Variants in SH3RF1 observed in about 807,000 individuals in gnomAD.
The protein encoded by SH3RF1 is E3 ubiquitin-protein ligase SH3RF1.
A neutral mutation model predicts 74.0 loss-of-function variants in SH3RF1; 32 were observed. The ratio of observed to expected loss-of-function variants is 0.43; its 90% CI spans 0.33 to 0.58. The LOEUF is 0.58. Among genes scored for constraint, SH3RF1 ranks in the 20% least tolerant of loss-of-function variants. The pLI, the probability that SH3RF1 is intolerant of heterozygous loss-of-function variation, is 0.05. For missense variants in SH3RF1, 954 were observed against 1,130.9 expected, an observed-to-expected ratio of 0.84 and a Z score of 2.24; for synonymous variants, 396 against 439.6, an observed-to-expected ratio of 0.90 and a Z score of 1.24.
chr4:169,236,979 G>A (rs1301800485), intron 2 of SH3RF1, among the ~76,000 whole-genome samples: 1 of 152,164 alleles, frequency 6.6e-6, no homozygotes, highest in Non-Finnish European at 1.5e-5. Context: ...TTTTGCTTCT[G>A]TCTCATCCCC....
intron 2 of SH3RF1, among the ~76,000 whole-genome samples, chr4:169,188,048 A>G (rs1245333959): frequency 1.3e-5 from 2 of 151,494 alleles, no homozygotes; most frequent in Non-Finnish European, 2.9e-5. Context: ...GACTGCTGGC[A>G]ACCACCGAAA....
At chr4:169,170,316 C>G (rs1346706889) in intron 2 of SH3RF1, among the ~76,000 whole-genome samples, 2 of 152,034 alleles carry the variant, frequency 1.3e-5, no homozygotes, top group African/African-American at 4.8e-5. Flanking sequence ...GAAAATCAAG[C>G]AAGAGCCCAT....
intron 2 of SH3RF1, among the ~76,000 whole-genome samples, chr4:169,265,780 T>G (rs1731342138): frequency 6.6e-6 from 1 of 152,216 alleles, no homozygotes. Flanking sequence ...CTGGCCAGCT[T>G]AAGAGAATAT....
chr4:169,119,278 A>ATTTTTTT (rs11397253), intron 8 of SH3RF1, among the ~76,000 whole-genome samples: 2 of 66,394 alleles, frequency 3.0e-5, no homozygotes, highest in African/African-American at 5.9e-5. Flanking sequence ...TAATTTTTGT[A>ATTTTTTT]TTTTTTTTTT....
chr4:169,248,032 T>C (rs747342054), intron 2 of SH3RF1, among the ~76,000 whole-genome samples: 1 of 152,222 alleles, frequency 6.6e-6, no homozygotes, highest in Non-Finnish European at 1.5e-5. Context: ...GCTTTTACAC[T>C]GTTGGTGGGA....
intron 8 of SH3RF1, 63 bp from the exon 9 acceptor site, chr4:169,117,845 T>C: frequency 6.5e-7 from 1 of 1,544,092 alleles, no homozygotes; most frequent in Non-Finnish European, 8.8e-7. Context: ...AAAGAACAAT[T>C]AAATGCAAGA....
intron 2 of SH3RF1, among the ~76,000 whole-genome samples, chr4:169,157,844 G>A (rs925104165): frequency 8.6e-5 from 13 of 151,866 alleles, no homozygotes; most frequent in Admixed American, 3.3e-4. Flanking sequence ...TGGGTTGAGT[G>A]ATTTTAACGC....
chr4:169,165,222 T>C (rs1283798885), intron 2 of SH3RF1, among the ~76,000 whole-genome samples: 1 of 152,172 alleles, frequency 6.6e-6, no homozygotes, highest in Non-Finnish European at 1.5e-5. Flanking sequence ...TGCCCTGCCC[T>C]AGGCCTCCAA....
chr4:169,251,522 A>G (rs1316539012), intron 2 of SH3RF1, among the ~76,000 whole-genome samples: 1 of 152,224 alleles, frequency 6.6e-6, no homozygotes, highest in African/African-American at 2.4e-5. Flanking sequence ...GAAAAACAGA[A>G]GCATACTGTC....
At chr4:169,219,951 A>G (rs991117635) in intron 2 of SH3RF1, 4 of 152,160 alleles carry the variant, frequency 2.6e-5, no homozygotes, top group African/African-American at 9.7e-5. Flanking sequence ...TTAGCAATCA[A>G]CTTCCAGGCG....
chr4:169,240,291 G>T (rs1730886957), intron 2 of SH3RF1, among the ~76,000 whole-genome samples: 1 of 151,942 alleles, frequency 6.6e-6, no homozygotes, highest in Non-Finnish European at 1.5e-5. Context: ...AACCTCCTGG[G>T]CTCAAACAGT....
Position 169,104,566 on chromosome 4 carries a change from T to C in SH3RF1, c.2498+2281A>G, listed in dbSNP as rs559032670. 2.1e-4 allele frequency among the ~76,000 whole-genome samples: 32 copies of C among 152,208 alleles called. 1 individual carries two copies. The South Asian group carries it at 6.4e-3, about 31-fold the overall frequency. Reference sequence around the variant, plus strand: ...CATTTTAAAACTGGTTTTAGGGGGTTAGAACTATAGAAAATTATTGTACAG... The same window carrying C: ...CATTTTAAAACTGGTTTTAGGGGGTCAGAACTATAGAAAATTATTGTACAG... On this transcript the variant is annotated intron_variant, in intron 11 of 11. Coordinates refer to ENST00000284637, the MANE Select transcript of SH3RF1 (RefSeq NM_020870.4).
chr4:169,142,321 TTA>T (rs934684236), intron 4 of SH3RF1, among the ~76,000 whole-genome samples: 4 of 152,222 alleles, frequency 2.6e-5, no homozygotes, highest in Non-Finnish European at 5.9e-5. Flanking sequence ...GTGTATATAT[TTA>T]TGTCTATTAA....
intron 4 of SH3RF1, among the ~76,000 whole-genome samples, chr4:169,137,622 A>AAT (rs1733720205): frequency 6.6e-6 from 1 of 152,216 alleles, no homozygotes; most frequent in African/African-American, 2.4e-5. Context: ...CACTTCACAA[A>AAT]TGTCTTTATA....
At chr4:169,220,360 G>A (rs1045454414) in intron 2 of SH3RF1, 4 of 152,142 alleles carry the variant, frequency 2.6e-5, no homozygotes, top group Non-Finnish European at 5.9e-5. Context: ...ATGTTCCTTC[G>A]CAAGTTCTGT....
intron 4 of SH3RF1, among the ~76,000 whole-genome samples, chr4:169,146,631 T>G (rs1367065174): frequency 1.3e-5 from 2 of 151,878 alleles, no homozygotes; most frequent in Admixed American, 1.3e-4. Context: ...AGGAGGAAAA[T>G]TTCAGAGACT....
intron 2 of SH3RF1, among the ~76,000 whole-genome samples, chr4:169,199,163 TC>T (rs934143002): frequency 1.3e-5 from 2 of 152,210 alleles, no homozygotes; most frequent in Admixed American, 1.3e-4. Flanking sequence ...TATTTGAAGA[TC>T]CTCATGGTAT....
At chr4:169,111,358 C>T (rs988048933) in intron 10 of SH3RF1, among the ~76,000 whole-genome samples, 1 of 150,292 alleles carries the variant, frequency 6.7e-6, no homozygotes, top group Non-Finnish European at 1.5e-5. Flanking sequence ...GGGCTCAAGC[C>T]ATCCTCCCAC....
At chr4:169,134,801 A>T (rs138698443) in intron 5 of SH3RF1, among the ~76,000 whole-genome samples, 3 of 152,220 alleles carry the variant, frequency 2.0e-5, no homozygotes, top group African/African-American at 7.2e-5. Flanking sequence ...CAACAAATAC[A>T]TGTTGAGTGC....
Sources: gnomAD v4.1 joint callset for allele counts (sites outside exome capture counted in the v4.1 genomes callset) on GRCh38, gnomAD v4.1.1 for gene constraint, MANE v1.5 for transcripts, NCBI Gene and HGNC (gene_info 2026-07-23, HGNC 2026-07-21) for gene names.